The following BCOR variants were observed in gnomAD, a reference collection of about 807,000 sequenced individuals.
The protein encoded by BCOR is BCL6 corepressor, also known as BCL-6 corepressor.
Under a neutral mutation model 86.7 loss-of-function variants are expected in BCOR, and 10 were observed. The ratio of observed to expected loss-of-function variants is 0.12; its 90% CI spans 0.07 to 0.20. The LOEUF (loss-of-function observed/expected upper bound fraction) is 0.20. BCOR is among the 10% of genes least tolerant of loss of function. The pLI is 1.00. For missense variants in BCOR, 1,259 were observed against 1,452.1 expected (o/e 0.87, Z 2.16); for synonymous variants, 611 against 609.0 (o/e 1.00, Z -0.05).
chrX:40,176,473 G>C (rs1415630423), intron 1 of BCOR, among the ~76,000 whole-genome samples: 1 of 112,582 alleles, frequency 8.9e-6, no homozygotes, highest in Admixed American at 9.3e-5. Flanking sequence ...CGTGCAAGAA[G>C]AAAACAAGGC....
chrX:40,106,699 C>A (rs998312649), intron 1 of BCOR, among the ~76,000 whole-genome samples: 1 of 113,090 alleles, frequency 8.8e-6, no homozygotes. Context: ...CCTTTGTTTT[C>A]GGGGTCTATA....
At chrX:40,129,001 C>A (rs1307293707) in intron 1 of BCOR, among the ~76,000 whole-genome samples, 1 of 112,014 alleles carries the variant, frequency 8.9e-6, no homozygotes, top group Non-Finnish European at 1.9e-5. Flanking sequence ...CAAAATGAGG[C>A]ACTAGTCACA....
At chrX:40,084,021 G>A (rs773952977) in intron 1 of BCOR, among the ~76,000 whole-genome samples, 247 of 112,135 alleles carry the variant, frequency 2.2e-3, no homozygotes, top group African/African-American at 7.7e-3. Context: ...GAATGGGCAC[G>A]GCAGACCCCT....
intron 1 of BCOR, among the ~76,000 whole-genome samples, chrX:40,095,055 A>C (rs1936793420): frequency 9.0e-6 from 1 of 110,835 alleles, no homozygotes; most frequent in African/African-American, 3.3e-5. Context: ...TCCCCTAAAC[A>C]CCCCAAGGCA....
At chrX:40,142,470 G>A (rs1487568117) in intron 1 of BCOR, among the ~76,000 whole-genome samples, 1 of 112,066 alleles carries the variant, frequency 8.9e-6, no homozygotes, top group African/African-American at 3.2e-5. Context: ...GCCTTCAGCT[G>A]AAGGTTCTCC....
chrX:40,056,281 T>TAAAAAAAAAAAAAAAAAAAAAAAAAAA (rs60712024), intron 11 of BCOR, among the ~76,000 whole-genome samples: 1 of 61,449 alleles, frequency 1.6e-5, no homozygotes, highest in African/African-American at 6.9e-5. Context: ...TGTCACACAT[T>TAAAAAAAAAAAAAAAAAAAAAAAAAAA]AAAAAAAAAA....
chrX:40,174,171 G>A (rs972422800), intron 1 of BCOR, among the ~76,000 whole-genome samples: 1 of 112,703 alleles, frequency 8.9e-6, no homozygotes, highest in African/African-American at 3.2e-5. Context: ...GGCTACCGGC[G>A]TTTGCCTAAT....
At chrX:40,070,838 G>T in intron 6 of BCOR, 135 bp downstream of exon 6, 1 of 590,581 alleles carries the variant, frequency 1.7e-6, no homozygotes, top group Non-Finnish European at 2.9e-6. Context: ...TTTCACAGAC[G>T]CCTCGTTCCT....
intron 1 of BCOR, among the ~76,000 whole-genome samples, chrX:40,139,491 ATATATAT>A (rs1261131507): frequency 1.2e-4 from 1 of 8,276 alleles, no homozygotes. Context: ...ATATATATAT[ATATATAT>A]TTTTTTTTTT....
At chrX:40,068,370 T>C (rs1312251596) in intron 6 of BCOR, among the ~76,000 whole-genome samples, 4 of 112,274 alleles carry the variant, frequency 3.6e-5, no homozygotes, top group Non-Finnish European at 5.6e-5. Context: ...AGCAGAGGCA[T>C]TGGTAGTCAT....
At chrX:40,176,062 T>C (rs1174387182) in intron 1 of BCOR, among the ~76,000 whole-genome samples, 2 of 112,764 alleles carry the variant, frequency 1.8e-5, no homozygotes, top group Non-Finnish European at 3.8e-5. Flanking sequence ...GCCAAGTTTG[T>C]GTCCTTTCCC....
At chrX:40,152,263 C>T (rs1456353674) in intron 1 of BCOR, among the ~76,000 whole-genome samples, 2 of 112,084 alleles carry the variant, frequency 1.8e-5, no homozygotes, top group Non-Finnish European at 3.8e-5. Flanking sequence ...CAGCCCTGAG[C>T]GCCCCTTGTG....
rs766620661 is a variant in BCOR at position 40,057,253 on chromosome X, G to A, written c.4497C>T (p.Cys1499=). 3 of 1,209,924 alleles carry A rather than the reference G, an allele frequency of 2.5e-6. No homozygotes were observed. Among genetic ancestry groups the A allele is most frequent in the South Asian group, 1.8e-5 (1 of 56,808 alleles). Residue 1499 remains cysteine (C), a synonymous_variant, in exon 11 of 15, where the codon TGC becomes TGT. Coordinates refer to ENST00000378444, the MANE Select transcript of BCOR (RefSeq NM_001123385.2). ...CCCTAGCACAAGCTTCATGCAGGGC[G>A]CAGTAACCTGCGTTGTCCCGATGAT... The part of the protein sequence containing the change: ...DVNHRDNAGY[C]ALHEACARGW...
intron 1 of BCOR, among the ~76,000 whole-genome samples, chrX:40,092,429 A>G (rs1936661848): frequency 9.1e-6 from 1 of 110,075 alleles, no homozygotes; most frequent in African/African-American, 3.3e-5. Flanking sequence ...AATCCACCCA[A>G]CACAGGCTGT....
chrX:40,129,529 C>G (rs1022901337), intron 1 of BCOR, among the ~76,000 whole-genome samples: 26 of 109,620 alleles, frequency 2.4e-4, no homozygotes, highest in Non-Finnish European at 4.2e-4. Context: ...AATGGGGGGG[C>G]CAGGCCTCAG....
rs1258538506 is a variant in BCOR, at chrX:40,064,505, A to G, written c.3333T>C (p.Pro1111=). The G allele has an allele frequency of 8.2e-7, 1 of 1,212,257 alleles. No homozygotes were observed. The highest frequency in any genetic ancestry group is 1.8e-5 in the South Asian group (1 of 57,025). ...CCTGGTCTGCGGGAGGCTCGCTCACAGGCTGCCTCTCCACAAAGTACTTCT... is the reference window on the plus strand; with the variant it reads ...CCTGGTCTGCGGGAGGCTCGCTCACGGGCTGCCTCTCCACAAAGTACTTCT... ...PVEKYFVERQ[P]VSEPPADQVA... The change falls in exon 7 of 15, where the codon CCT becomes CCC. Residue 1111 remains proline, a synonymous_variant. Transcript: ENST00000378444.
rs1569142699 is a variant in BCOR at position 40,057,323 on chromosome X, T to TGTGGG, written c.4429-7_4429-3dup. 5 of 1,209,231 alleles carry TGTGGG rather than the reference T, an allele frequency of 4.1e-6. No individual in the cohort carries two copies. In the South Asian group the frequency reaches 8.8e-5, roughly 21 times the overall value. ...CTCTAAGCAGTACAGGACCACTTCC[T>TGTGGG]GTGGGGAGGGGAGGGAAGAATGCCA... On this transcript the variant is annotated splice_region_variant and splice_polypyrimidine_tract_variant and intron_variant, in intron 10 of 14. Coordinates refer to ENST00000378444, the MANE Select transcript of BCOR (RefSeq NM_001123385.2).
At position 40,072,338 on chromosome X, in the gene BCOR, G is replaced by A. The variant is rs1212583938; in HGVS notation, c.2997+11C>T. Reference sequence around the variant, plus strand: ...TGGTAAAGTAACTGAAATTCAGGTGGGGGGGCTCACCTGCAATGCCCGTTG... The same window carrying A: ...TGGTAAAGTAACTGAAATTCAGGTGAGGGGGCTCACCTGCAATGCCCGTTG... On this transcript the variant is annotated intron_variant, in intron 4 of 14. Transcript: ENST00000378444. 2.5e-6 allele frequency: 3 copies of A among 1,203,277 alleles called. No individual in the cohort carries two copies. Among genetic ancestry groups the A allele is most frequent in the African/African-American group, 3.5e-5 (2 of 57,575 alleles).
Position 40,073,459 on chromosome X carries a change from G to T in BCOR, c.1887C>A (p.Asn629Lys), listed in dbSNP as rs753105266. 3 of 1,211,324 alleles carry T rather than the reference G, an allele frequency of 2.5e-6. No individual in the cohort carries two copies. In the African/African-American group the frequency reaches 5.2e-5, roughly 21 times the overall value. ...TAGAGCTTGGTGGAAGGCCGTTCTC[G>T]TTTGCTTTGAAACTCGGTTCTGGGT... Reference protein sequence around the residue: ...ASNPEPSFKANENGLPPSSIF... With the variant: ...ASNPEPSFKAKENGLPPSSIF... Residue 629 changes from asparagine to lysine, a missense_variant, in exon 4 of 15, where the codon AAC (asparagine) becomes AAA (lysine). Asn to Lys is a moderately conservative substitution (Grantham distance 94). Around this residue, in one of 7 missense-constraint regions of BCOR, gnomAD observed 534 missense variants for 594.8 expected, o/e 0.90. Coordinates refer to ENST00000378444, the MANE Select transcript of BCOR (RefSeq NM_001123385.2).
Sources: allele counts gnomAD v4.1 joint callset (sites outside exome capture counted in the v4.1 genomes callset), GRCh38; gene constraint gnomAD v4.1.1; regional missense constraint gnomAD v4.1.1; transcripts MANE v1.5; gene names NCBI Gene and HGNC (gene_info 2026-07-23, HGNC 2026-07-21).